ADRA1B: variants seen among roughly 807,000 people sequenced by gnomAD.
ADRA1B encodes the protein alpha-1B adrenergic receptor.
Under a neutral mutation model 17.9 loss-of-function variants are expected in ADRA1B, and 17 were observed. The observed-to-expected ratio is 0.95, with a 90% CI of 0.65 to 1.42. ADRA1B has a LOEUF of 1.42. ADRA1B is among the 40% of genes most tolerant of loss of function. The pLI, the probability that ADRA1B is intolerant of heterozygous loss-of-function variation, is 0.00. For missense variants in ADRA1B, 681 were observed against 722.1 expected, an observed-to-expected ratio of 0.94 and a Z score of 0.65; for synonymous variants, 366 against 327.6, an observed-to-expected ratio of 1.12 and a Z score of -1.27.
chr5:159,920,864 CTT>C (rs1273498076), intron 1 of ADRA1B, among the ~76,000 whole-genome samples: 2 of 152,250 alleles, frequency 1.3e-5, no homozygotes, highest in African/African-American at 4.8e-5. Context: ...TCCGTGAAAA[CTT>C]TTTCACTCAT....
At chr5:159,987,933 C>T in the ADRA1B span, among the ~76,000 whole-genome samples, 1 of 152,150 alleles carries the variant, frequency 6.6e-6, no homozygotes, top group African/African-American at 2.4e-5. Flanking sequence ...TGCCCCCCCT[C>T]GGCCGGCCGC....
chr5:159,917,970 G>A, intron 1 of ADRA1B, 116 bp downstream of exon 1: 1 of 927,870 alleles, frequency 1.1e-6, no homozygotes, highest in Non-Finnish European at 1.7e-6. Context: ...TGCGTGTTCG[G>A]AGATTGAATA....
chr5:159,878,995 T>C (rs1425650052), intron 1 of ADRA1B, among the ~76,000 whole-genome samples: 1 of 152,134 alleles, frequency 6.6e-6, no homozygotes, highest in Non-Finnish European at 1.5e-5. Flanking sequence ...GCTGCCTCCT[T>C]ACATCCTCAC....
intron 1 of ADRA1B, among the ~76,000 whole-genome samples, chr5:159,923,914 A>T (rs1344741578): frequency 1.3e-5 from 2 of 152,292 alleles, no homozygotes; most frequent in Non-Finnish European, 2.9e-5. Context: ...CAGAGCAAGC[A>T]TCGTCATCCC....
At chr5:159,987,899 T>C in the ADRA1B span, among the ~76,000 whole-genome samples, 1 of 152,106 alleles carries the variant, frequency 6.6e-6, no homozygotes, top group East Asian at 1.9e-4. Flanking sequence ...GTGGACTTTG[T>C]AGTCTTTGTG....
At chr5:159,880,409 T>G (rs1025724414) in intron 1 of ADRA1B, among the ~76,000 whole-genome samples, 2 of 152,152 alleles carry the variant, frequency 1.3e-5, no homozygotes, top group African/African-American at 4.8e-5. Flanking sequence ...TTTTCAAAGG[T>G]GATAAAACAG....
At chr5:159,937,934 G>C (rs1216427849) in intron 1 of ADRA1B, among the ~76,000 whole-genome samples, 1 of 152,150 alleles carries the variant, frequency 6.6e-6, no homozygotes, top group African/African-American at 2.4e-5. Context: ...CTCTGAAGTT[G>C]TTAACCCCCC....
At chr5:159,947,583 T>C (rs1755311604) in intron 1 of ADRA1B, 1 of 436,432 alleles carries the variant, frequency 2.3e-6, no homozygotes, top group African/African-American at 2.1e-5. Context: ...TTTCTTTTAA[T>C]GGTTTCCCTT....
intron 1 of ADRA1B, chr5:159,951,181 C>T (rs1414244278): frequency 3.9e-6 from 3 of 761,374 alleles, no homozygotes; most frequent in Non-Finnish European, 7.2e-6. Flanking sequence ...CAGCCCCAGC[C>T]TTCTCCATGG....
chr5:159,899,460 T>C (rs1386722111), intron 1 of ADRA1B, among the ~76,000 whole-genome samples: 1 of 152,170 alleles, frequency 6.6e-6, no homozygotes, highest in Admixed American at 6.5e-5. Flanking sequence ...TTGACAGCCA[T>C]GTGTACTGGA....
chr5:159,928,244 G>A (rs1754713791), intron 1 of ADRA1B, among the ~76,000 whole-genome samples: 1 of 152,100 alleles, frequency 6.6e-6, no homozygotes, highest in Non-Finnish European at 1.5e-5. Context: ...ATCAGTGCAG[G>A]GGGAGGGCCA....
At chr5:159,923,381 T>G (rs923303609) in intron 1 of ADRA1B, among the ~76,000 whole-genome samples, 2 of 152,180 alleles carry the variant, frequency 1.3e-5, no homozygotes, top group African/African-American at 4.8e-5. Context: ...CAGTGAGAGA[T>G]GATGATGACC....
intron 1 of ADRA1B, among the ~76,000 whole-genome samples, chr5:159,967,849 G>A (rs753279780): frequency 3.2e-4 from 49 of 152,202 alleles, no homozygotes; most frequent in Non-Finnish European, 6.5e-4. Flanking sequence ...CATGGTCCTT[G>A]GAGGGTACAT....
chr5:159,875,897 AAAC>A (rs1242058139), intron 1 of ADRA1B, among the ~76,000 whole-genome samples: 2 of 73,558 alleles, frequency 2.7e-5, no homozygotes, highest in African/African-American at 9.6e-5. Context: ...AAAGTTGCTT[AAAC>A]AACAAGGGCC....
At chr5:159,866,335 C>T (rs1753652648) in intron 1 of ADRA1B, among the ~76,000 whole-genome samples, 1 of 148,904 alleles carries the variant, frequency 6.7e-6, no homozygotes, top group Admixed American at 6.7e-5. Context: ...CACAGTGGCT[C>T]ACACCTGTAA....
At chr5:159,968,216 C>T (rs982911265) in intron 1 of ADRA1B, among the ~76,000 whole-genome samples, 2 of 152,040 alleles carry the variant, frequency 1.3e-5, no homozygotes, top group African/African-American at 4.8e-5. Context: ...AAAATGGGAC[C>T]AACAATAGTA....
At chr5:159,957,734 G>A (rs1755583723) in intron 1 of ADRA1B, among the ~76,000 whole-genome samples, 3 of 151,376 alleles carry the variant, frequency 2.0e-5, no homozygotes, top group Non-Finnish European at 4.4e-5. Context: ...TGAGGAGTTC[G>A]AGACAAGCCT....
chr5:159,866,572 G>A (rs1009084240), intron 1 of ADRA1B, among the ~76,000 whole-genome samples: 3 of 149,178 alleles, frequency 2.0e-5, no homozygotes, highest in Non-Finnish European at 4.4e-5. Flanking sequence ...GGGCAACAGA[G>A]TGAGACTCCA....
At chr5:159,930,694 C>A (rs1378363910) in intron 1 of ADRA1B, among the ~76,000 whole-genome samples, 1 of 152,016 alleles carries the variant, frequency 6.6e-6, no homozygotes, top group African/African-American at 2.4e-5. Flanking sequence ...TCTAACCCAA[C>A]TTTTAAAAGC....
Sources: gnomAD v4.1 joint callset for allele counts (sites outside exome capture counted in the v4.1 genomes callset) on GRCh38, gnomAD v4.1.1 for gene constraint, MANE v1.5 for transcripts, NCBI Gene and HGNC (gene_info 2026-07-23, HGNC 2026-07-21) for gene names.